The following TMEFF2 variants were observed in gnomAD, a reference collection of about 807,000 sequenced individuals.
TMEFF2 encodes tomoregulin-2.
A neutral mutation model predicts 53.8 loss-of-function variants in TMEFF2; 28 were observed. The ratio of observed to expected loss-of-function variants is 0.52; its 90% CI spans 0.39 to 0.71. The LOEUF is 0.71. Ranked by LOEUF, TMEFF2 falls within the 30% of genes least tolerant of loss-of-function variation. The pLI, the probability that TMEFF2 is intolerant of heterozygous loss-of-function variation, is 0.00. For missense variants in TMEFF2, 353 were observed against 455.2 expected (o/e 0.78, Z 2.04); for synonymous variants, 162 against 166.3 (o/e 0.97, Z 0.20).
chr2:192,057,158 C>T (rs1687929065), intron 5 of TMEFF2, among the ~76,000 whole-genome samples: 1 of 152,202 alleles, frequency 6.6e-6, no homozygotes, highest in Non-Finnish European at 1.5e-5. Flanking sequence ...TTCCTCCCTC[C>T]TCAGCCTCCT....
chr2:191,997,027 C>T (rs1686238949), intron 7 of TMEFF2, among the ~76,000 whole-genome samples: 2 of 151,832 alleles, frequency 1.3e-5, no homozygotes. Flanking sequence ...TTATAATGAA[C>T]ATAAGAGCTG....
chr2:192,110,896 A>G (rs1264763841), intron 4 of TMEFF2, among the ~76,000 whole-genome samples: 2 of 152,120 alleles, frequency 1.3e-5, no homozygotes, highest in East Asian at 3.9e-4. Flanking sequence ...GTACTGAATA[A>G]GTCTCATGAG....
intron 4 of TMEFF2, among the ~76,000 whole-genome samples, chr2:192,101,787 G>A (rs531725993): frequency 6.6e-6 from 1 of 152,262 alleles, no homozygotes; most frequent in South Asian, 2.1e-4. Flanking sequence ...AGTCAGCCTG[G>A]AGAATGTACT....
chr2:192,184,297 C>A, intron 3 of TMEFF2, 57 bp downstream of exon 3: 1 of 1,588,952 alleles, frequency 6.3e-7, no homozygotes, highest in Non-Finnish European at 8.6e-7. Flanking sequence ...AAATGAAAGA[C>A]ATGGTTTTTG....
chr2:192,043,900 C>A (rs570020120), intron 5 of TMEFF2: 1 of 152,188 alleles, frequency 6.6e-6, no homozygotes, highest in Non-Finnish European at 1.5e-5. Flanking sequence ...CTTGCCTGTG[C>A]GGGAGTCAGA....
At chr2:192,022,891 T>C (rs1332987883) in intron 5 of TMEFF2, among the ~76,000 whole-genome samples, 2 of 152,188 alleles carry the variant, frequency 1.3e-5, no homozygotes, top group Non-Finnish European at 2.9e-5. Flanking sequence ...TTCTTTATCT[T>C]ATTACAATAA....
chr2:192,083,744 C>T (rs753388059), intron 4 of TMEFF2, among the ~76,000 whole-genome samples: 1 of 150,432 alleles, frequency 6.6e-6, no homozygotes, highest in African/African-American at 2.5e-5. Flanking sequence ...TTCTTAAAGG[C>T]CCTAATTGTA....
chr2:192,025,865 T>G (rs543211157), intron 5 of TMEFF2, among the ~76,000 whole-genome samples: 46 of 152,318 alleles, frequency 3.0e-4, no homozygotes, highest in Non-Finnish European at 5.6e-4. Flanking sequence ...CAGCTGCTTT[T>G]GCCGCTTAAT....
intron 4 of TMEFF2, chr2:192,176,794 A>G (rs1421364561): frequency 6.6e-6 from 1 of 151,216 alleles, no homozygotes; most frequent in African/African-American, 2.4e-5. Flanking sequence ...ATCAGGTCTA[A>G]TTTTCATTAC....
chr2:192,130,828 T>C (rs1689804242), intron 4 of TMEFF2, among the ~76,000 whole-genome samples: 1 of 151,850 alleles, frequency 6.6e-6, no homozygotes, highest in African/African-American at 2.4e-5. Context: ...AATTTGGTGC[T>C]GAAACCTGGG....
intron 5 of TMEFF2, among the ~76,000 whole-genome samples, chr2:192,013,787 A>G (rs1460844523): frequency 6.6e-6 from 1 of 152,184 alleles, no homozygotes; most frequent in Non-Finnish European, 1.5e-5. Context: ...TTTCTTCACT[A>G]GAATGTACAC....
chr2:192,181,131 T>G (rs1041222669), intron 3 of TMEFF2, among the ~76,000 whole-genome samples: 6 of 151,812 alleles, frequency 4.0e-5, no homozygotes, highest in Non-Finnish European at 8.8e-5. Context: ...TTCATGTTGA[T>G]ATTAGAATAT....
At chr2:192,174,393 T>A (rs1690986607) in intron 4 of TMEFF2, among the ~76,000 whole-genome samples, 1 of 151,820 alleles carries the variant, frequency 6.6e-6, no homozygotes, top group African/African-American at 2.4e-5. Flanking sequence ...CTTTTCATTT[T>A]CCATCATTCT....
At chr2:192,034,704 TCTGGAGAC>T (rs1408650227) in intron 5 of TMEFF2, 7 of 152,362 alleles carry the variant, frequency 4.6e-5, no homozygotes, top group African/African-American at 1.7e-4. Flanking sequence ...GCATTGTGGC[TCTGGAGAC>T]CTGGAAGCAC....
rs552246677 is a variant in TMEFF2 at position 192,125,564 on chromosome 2, A to C, written c.439+54104T>G. Among the ~76,000 whole-genome samples, 6 of 152,348 alleles carry C rather than the reference A, an allele frequency of 3.9e-5. No homozygotes were observed. The East Asian group carries it at 7.7e-4, about 20-fold the overall frequency. ...AAGCAAAAATAAAGTATTTAAGAGA[A>C]AGCAGGTTTAATAAAAGTTTGTTTC... On this transcript the variant is annotated intron_variant, in intron 4 of 9. Transcript: ENST00000272771.
Position 192,061,778 on chromosome 2 carries a change from TCTCA to T in TMEFF2, c.440-4007_440-4004del, listed in dbSNP as rs1163734476. Among the ~76,000 whole-genome samples the T allele has an allele frequency of 5.3e-5, 8 of 152,220 alleles. No homozygotes were observed. The East Asian group carries it at 9.7e-4, about 18-fold the overall frequency. Reference sequence around the variant, plus strand: ...GCCATACCCTTGGTGATGAGGGAGTTCTCACTCAGTTAGTTCACATGAGATCTGC... The same window carrying T: ...GCCATACCCTTGGTGATGAGGGAGTTCTCAGTTAGTTCACATGAGATCTGC... On this transcript the variant is annotated intron_variant, in intron 4 of 9. Coordinates refer to ENST00000272771, the MANE Select transcript of TMEFF2 (RefSeq NM_016192.4).
At chr2:192,061,507 A>G (rs1235740487) in intron 4 of TMEFF2, among the ~76,000 whole-genome samples, 5 of 152,174 alleles carry the variant, frequency 3.3e-5, no homozygotes, top group Admixed American at 2.6e-4. Flanking sequence ...CATAGGATAC[A>G]GCACTTTATA....
chr2:192,098,606 C>A (rs1688966713), intron 4 of TMEFF2, among the ~76,000 whole-genome samples: 1 of 152,156 alleles, frequency 6.6e-6, no homozygotes. Flanking sequence ...AGGCAGAAGC[C>A]ATCTGCTGCT....
At chr2:192,165,893 T>C (rs540280355) in intron 4 of TMEFF2, among the ~76,000 whole-genome samples, 11 of 152,164 alleles carry the variant, frequency 7.2e-5, no homozygotes, top group Non-Finnish European at 1.6e-4. Context: ...TAGACAAATA[T>C]CTCTGAATTT....
Sources: allele counts gnomAD v4.1 joint callset (sites outside exome capture counted in the v4.1 genomes callset), GRCh38; gene constraint gnomAD v4.1.1; transcripts MANE v1.5; gene names NCBI Gene and HGNC (gene_info 2026-07-23, HGNC 2026-07-21).